ITCH: variants seen among roughly 807,000 people sequenced by gnomAD.
ITCH encodes E3 ubiquitin-protein ligase Itchy homolog.
In ITCH, 28 loss-of-function variants were observed where a neutral mutation model predicts 126.8. The ratio of observed to expected loss-of-function variants is 0.22; its 90% CI spans 0.16 to 0.30. ITCH has a LOEUF of 0.30. ITCH is among the 10% of genes least tolerant of loss of function. The pLI is 1.00. For missense variants in ITCH, 631 were observed against 1,032.4 expected, an observed-to-expected ratio of 0.61 and a Z score of 5.33; for synonymous variants, 342 against 340.0, an observed-to-expected ratio of 1.01 and a Z score of -0.06.
chr20:34,507,289 T>TG (rs555919518), intron 24 of ITCH, among the ~76,000 whole-genome samples: 1 of 68,328 alleles, frequency 1.5e-5, no homozygotes, highest in Non-Finnish European at 3.1e-5. Flanking sequence ...TTTTTTTTTT[T>TG]GGTTGTTGTT....
At chr20:34,506,365 T>C (rs1990620827) in intron 24 of ITCH, among the ~76,000 whole-genome samples, 1 of 152,152 alleles carries the variant, frequency 6.6e-6, no homozygotes, top group African/African-American at 2.4e-5. Flanking sequence ...ACCTAAAACA[T>C]TTTTCATCTT....
intron 12 of ITCH, among the ~76,000 whole-genome samples, chr20:34,457,122 T>C (rs547644430): frequency 6.6e-6 from 1 of 152,314 alleles, no homozygotes; most frequent in Non-Finnish European, 1.5e-5. Flanking sequence ...TTCTTGCTGC[T>C]GTTGGTTGGA....
At chr20:34,485,567 T>C (rs1989045611) in intron 20 of ITCH, among the ~76,000 whole-genome samples, 1 of 152,216 alleles carries the variant, frequency 6.6e-6, no homozygotes, top group Non-Finnish European at 1.5e-5. Context: ...CATTCTAAAA[T>C]TGGGTTGTCT....
Position 34,507,789 on chromosome 20 carries a change from G to C in ITCH, c.2584G>C (p.Glu862Gln). ...AGAAGAAACAGAAGGATTTGGACAA[G>C]AGTAACTTCTGAGAACTTGCACCAT... is the stretch of plus-strand genomic sequence containing the variant. ...AIEETEGFGQ[E>Q] Residue 862 changes from glutamate to glutamine, a missense_variant, in exon 25 of 25, where the codon GAG becomes CAG. By Grantham distance (29) the Glu-to-Gln change is conservative. Transcript: ENST00000374864. 6.2e-7 allele frequency: 1 copy of C among 1,612,462 alleles called. No homozygotes were observed. Among genetic ancestry groups the C allele is most frequent in the Non-Finnish European group, 8.5e-7 (1 of 1,178,622 alleles).
Position 34,488,735 on chromosome 20 carries a change from G to GA in ITCH, c.2094-522dup, listed in dbSNP as rs535436802. Among the ~76,000 whole-genome samples, 8 of 150,514 alleles carry GA rather than the reference G, an allele frequency of 5.3e-5. No individual in the cohort carries two copies. The East Asian group carries it at 1.2e-3, about 22-fold the overall frequency. ...CTCAAAAAACAAAAACAAAATAAAA[G>GA]AAAAAAAAAGAAATTATATGGCTTG... On this transcript the variant is annotated intron_variant, in intron 20 of 24. Transcript: ENST00000374864.
At chr20:34,375,945 C>G (rs1268969866) in intron 2 of ITCH, among the ~76,000 whole-genome samples, 1 of 151,852 alleles carries the variant, frequency 6.6e-6, no homozygotes, top group Non-Finnish European at 1.5e-5. Flanking sequence ...TGTTGGCTTA[C>G]TATTGACCTT....
At chr20:34,386,519 A>C (rs2038289645) in intron 2 of ITCH, among the ~76,000 whole-genome samples, 1 of 152,198 alleles carries the variant, frequency 6.6e-6, no homozygotes, top group African/African-American at 2.4e-5. Context: ...TAGTTCTCTG[A>C]ATACCACTAT....
intron 23 of ITCH, 111 bp downstream of exon 23, chr20:34,492,708 T>A: frequency 1.3e-6 from 1 of 767,966 alleles, no homozygotes; most frequent in Non-Finnish European, 2.4e-6. Context: ...GCCATTTTCT[T>A]AACTATTCCC....
intron 7 of ITCH, among the ~76,000 whole-genome samples, chr20:34,435,145 C>G (rs768188025): frequency 3.3e-5 from 5 of 150,644 alleles, no homozygotes; most frequent in Non-Finnish European, 7.4e-5. Flanking sequence ...GAGTCTTGAG[C>G]TGTGATTTTT....
At chr20:34,467,274 A>G (rs1228432395) in intron 14 of ITCH, among the ~76,000 whole-genome samples, 1 of 152,218 alleles carries the variant, frequency 6.6e-6, no homozygotes, top group African/African-American at 2.4e-5. Flanking sequence ...CATGCCAGTA[A>G]TCTCAGCACT....
intron 2 of ITCH, among the ~76,000 whole-genome samples, chr20:34,372,135 T>C (rs1013570161): frequency 3.6e-4 from 55 of 151,398 alleles, no homozygotes; most frequent in African/African-American, 1.3e-3. Context: ...TGAAACCCCG[T>C]CTCTACTAAA....
chr20:34,407,155 CA>C (rs2039088276), intron 3 of ITCH, among the ~76,000 whole-genome samples: 1 of 151,840 alleles, frequency 6.6e-6, no homozygotes, highest in African/African-American at 2.4e-5. Flanking sequence ...TCAAGATGCA[CA>C]ACATAGGAAG....
chr20:34,402,366 G>C (rs1274746092), intron 3 of ITCH: 1 of 843,554 alleles, frequency 1.2e-6, no homozygotes, highest in African/African-American at 1.7e-5. Flanking sequence ...GGTCATCTTT[G>C]AGATCAATTT....
At chr20:34,481,250 G>A (rs758829313) in intron 20 of ITCH, 44 bp downstream of exon 20, 72 of 1,586,558 alleles carry the variant, frequency 4.5e-5, no homozygotes, top group Non-Finnish European at 8.6e-7. Flanking sequence ...TTTGACTACA[G>A]CACATTGATA....
At chr20:34,498,753 C>T (rs997998188) in intron 23 of ITCH, among the ~76,000 whole-genome samples, 1 of 151,768 alleles carries the variant, frequency 6.6e-6, no homozygotes, top group African/African-American at 2.4e-5. Context: ...GGATATTGGC[C>T]TATAGTTTTC....
chr20:34,466,952 A>G (rs780826512), intron 14 of ITCH, among the ~76,000 whole-genome samples: 12 of 152,266 alleles, frequency 7.9e-5, no homozygotes, highest in Non-Finnish European at 1.6e-4. Context: ...AACTCAGTGA[A>G]GTGGAAAAGA....
At chr20:34,500,044 GACATTATGACTT>G (rs1286595632) in intron 23 of ITCH, among the ~76,000 whole-genome samples, 1 of 151,984 alleles carries the variant, frequency 6.6e-6, no homozygotes, top group Non-Finnish European at 1.5e-5. Context: ...AAATATATTT[GACATTATGACTT>G]CAGTTCTTTT....
chr20:34,445,260 GTTTT>G (rs376762756), intron 10 of ITCH, 23 bp from the exon 11 acceptor site: 10 of 1,435,954 alleles, frequency 7.0e-6, no homozygotes, highest in African/African-American at 3.1e-5. Flanking sequence ...GAATTAGCTT[GTTTT>G]TTTTTTTTTT....
chr20:34,477,603 C>A (rs553979237), intron 16 of ITCH, among the ~76,000 whole-genome samples, 169 bp from the exon 17 acceptor site: 1 of 151,980 alleles, frequency 6.6e-6, no homozygotes, highest in Non-Finnish European at 1.5e-5. Flanking sequence ...TATTATTAAA[C>A]GTTACTATAA....
Sources: allele counts gnomAD v4.1 joint callset (sites outside exome capture counted in the v4.1 genomes callset), GRCh38; gene constraint gnomAD v4.1.1; transcripts MANE v1.5; gene names NCBI Gene and HGNC (gene_info 2026-07-23, HGNC 2026-07-21).